SLC17A8: variants seen among roughly 807,000 people sequenced by gnomAD.
The protein encoded by SLC17A8 is vesicular glutamate transporter 3.
In SLC17A8, 31 loss-of-function variants were observed where a neutral mutation model predicts 58.0. The observed-to-expected ratio is 0.53, with a 90% CI of 0.40 to 0.72. SLC17A8 has a LOEUF of 0.72. SLC17A8 is among the 30% of genes least tolerant of loss of function. SLC17A8 has a pLI of 0.00. For synonymous variants in SLC17A8, 228 were observed against 249.0 expected (o/e 0.92, Z 0.79); for missense variants, 655 against 727.8 (o/e 0.90, Z 1.15).
chr12:100,396,230 C>CT (rs1952752797), intron 4 of SLC17A8, 100 bp from the exon 5 acceptor site: 6 of 952,840 alleles, frequency 6.3e-6, no homozygotes, highest in Non-Finnish European at 8.5e-6. Flanking sequence ...GTAAATTGGG[C>CT]TTTTATATTG....
At chr12:100,403,593 C>T (rs2182621) in intron 8 of SLC17A8, among the ~76,000 whole-genome samples, 1 of 152,160 alleles carries the variant, frequency 6.6e-6, no homozygotes, top group East Asian at 1.9e-4. Flanking sequence ...GAATCATCAA[C>T]CATCATCATA....
chr12:100,372,391 A>G (rs1417934780), intron 1 of SLC17A8, among the ~76,000 whole-genome samples: 1 of 152,134 alleles, frequency 6.6e-6, no homozygotes, highest in Admixed American at 6.5e-5. Context: ...TCTGTCACCC[A>G]GCCTGGAGTG....
intron 3 of SLC17A8, 85 bp from the exon 4 acceptor site, chr12:100,393,284 A>C (rs1306429503): frequency 2.3e-6 from 2 of 883,784 alleles, no homozygotes; most frequent in African/African-American, 3.3e-5. Context: ...TCTTTCATGA[A>C]CTGTTAGGTT....
intron 2 of SLC17A8, among the ~76,000 whole-genome samples, chr12:100,381,364 CAAGT>C (rs1952636260): frequency 1.3e-5 from 2 of 152,084 alleles, no homozygotes. Context: ...CTCATGGAGA[CAAGT>C]AAGTGATGAC....
chr12:100,379,801 C>A (rs922810122), intron 1 of SLC17A8, among the ~76,000 whole-genome samples: 6 of 151,608 alleles, frequency 4.0e-5, no homozygotes, highest in African/African-American at 1.5e-4. Flanking sequence ...TGGATGATCA[C>A]CTCCTTAGAG....
At chr12:100,362,211 C>A (rs1952489462) in intron 1 of SLC17A8, among the ~76,000 whole-genome samples, 1 of 151,968 alleles carries the variant, frequency 6.6e-6, no homozygotes, top group South Asian at 2.1e-4. Flanking sequence ...CAGGGTTCCT[C>A]ATGCCAGGAC....
intron 10 of SLC17A8, among the ~76,000 whole-genome samples, chr12:100,415,744 T>A (rs774833125): frequency 6.6e-6 from 1 of 152,340 alleles, no homozygotes; most frequent in Non-Finnish European, 1.5e-5. Context: ...TGCCACTTTT[T>A]AAACATGATT....
intron 10 of SLC17A8, 67 bp downstream of exon 10, chr12:100,412,947 CA>C (rs1275021923): frequency 2.4e-6 from 3 of 1,273,808 alleles, no homozygotes; most frequent in Non-Finnish European, 3.4e-6. Context: ...GAAGGAAGGA[CA>C]AGGATATTGT....
At position 100,404,356 on chromosome 12, in the gene SLC17A8, C is replaced by T. The variant is rs189967195; in HGVS notation, c.1186+186C>T. On this transcript the variant is annotated intron_variant, in intron 9 of 11. Transcript: ENST00000323346. Reference sequence around the variant, plus strand: ...CTGCCAAGAGGTCATCCAGCTGGGACCTTTCCATACATCCTTCCACATTTA... The same window carrying T: ...CTGCCAAGAGGTCATCCAGCTGGGATCTTTCCATACATCCTTCCACATTTA... 1.9e-5 allele frequency: 13 copies of T among 671,890 alleles called. No individual in the cohort carries two copies. The East Asian group carries it at 3.3e-4, about 17-fold the overall frequency. 41.6% of individuals were successfully genotyped at this position (671,890 alleles called of 1,614,324 possible). A position where few individuals can be genotyped will look rare whatever the true frequency, so the allele number is the denominator to read the frequency against.
At position 100,391,551 on chromosome 12, in the gene SLC17A8, C is replaced by T. The variant is rs1462690153; in HGVS notation, c.473+432C>T. On this transcript the variant is annotated intron_variant, in intron 3 of 11. Transcript: ENST00000323346. ...AACTCTTGACCTCAAGTGATCCACC[C>T]GCCTTAGCCTCCCAAAGTACTGGGA... Among the ~76,000 whole-genome samples the T allele has an allele frequency of 4.6e-5, 7 of 152,200 alleles. No homozygotes were observed. The East Asian group carries it at 1.3e-3, about 29-fold the overall frequency.
At chr12:100,378,120 G>T (rs1196621188) in intron 1 of SLC17A8, among the ~76,000 whole-genome samples, 1 of 152,050 alleles carries the variant, frequency 6.6e-6, no homozygotes, top group East Asian at 1.9e-4. Context: ...ATGTCCAGAG[G>T]GCATAGACAG....
At chr12:100,405,412 T>C (rs1483925450) in intron 9 of SLC17A8, among the ~76,000 whole-genome samples, 3 of 152,098 alleles carry the variant, frequency 2.0e-5, no homozygotes, top group Non-Finnish European at 2.9e-5. Context: ...TGGGATTAAA[T>C]TGAGGTTCTT....
At chr12:100,390,299 T>C (rs1952706246) in intron 2 of SLC17A8, among the ~76,000 whole-genome samples, 6 of 151,854 alleles carry the variant, frequency 4.0e-5, no homozygotes. Context: ...TTGTACATAA[T>C]CTCTTATTAC....
At position 100,380,882 on chromosome 12, in the gene SLC17A8, A is replaced by C; in HGVS notation, c.283A>C (p.Asn95His). 1 of 1,614,128 alleles carries C rather than the reference A, an allele frequency of 6.2e-7. No individual in the cohort carries two copies. The highest frequency in any genetic ancestry group is 8.5e-7 in the Non-Finnish European group (1 of 1,180,030). ...CTGCATTTCCTTTGGGATCCGGTGCAATCTTGGAGTTGCCATTGTGGAAAT... is the reference window on the plus strand; with the variant it reads ...CTGCATTTCCTTTGGGATCCGGTGCCATCTTGGAGTTGCCATTGTGGAAAT... ...GFCISFGIRC[N>H]LGVAIVEMVN... The change falls in exon 2 of 12, where the codon AAT (asparagine) becomes CAT (histidine). Residue 95 changes from asparagine to histidine, a missense_variant. Physicochemically the swap from Asn to His is moderately conservative, Grantham distance 68. Coordinates refer to ENST00000323346, the MANE Select transcript of SLC17A8 (RefSeq NM_139319.3).
chr12:100,389,733 A>G (rs1952700585), intron 2 of SLC17A8, among the ~76,000 whole-genome samples: 1 of 151,320 alleles, frequency 6.6e-6, no homozygotes, highest in African/African-American at 2.4e-5. Flanking sequence ...CCTGGGTTCC[A>G]GGGATCCTCC....
chr12:100,359,783 T>A (rs1014906067), intron 1 of SLC17A8, among the ~76,000 whole-genome samples: 1 of 152,210 alleles, frequency 6.6e-6, no homozygotes, highest in Non-Finnish European at 1.5e-5. Context: ...TAAATGACCC[T>A]GCCCAGAGCC....
chr12:100,403,468 A>G (rs1952805861), intron 8 of SLC17A8, among the ~76,000 whole-genome samples: 1 of 144,682 alleles, frequency 6.9e-6, no homozygotes, highest in Non-Finnish European at 1.5e-5. Flanking sequence ...GACTCTGTCT[A>G]AAAAAAAAAA....
At chr12:100,381,368 T>C (rs1952636276) in intron 2 of SLC17A8, among the ~76,000 whole-genome samples, 1 of 152,078 alleles carries the variant, frequency 6.6e-6, no homozygotes, top group Admixed American at 6.6e-5. Context: ...TGGAGACAAG[T>C]AAGTGATGAC....
chr12:100,403,467 TAA>T (rs973008024), intron 8 of SLC17A8, among the ~76,000 whole-genome samples: 2 of 130,832 alleles, frequency 1.5e-5, no homozygotes, highest in Non-Finnish European at 1.6e-5. Flanking sequence ...AGACTCTGTC[TAA>T]AAAAAAAAAA....
Sources: gnomAD v4.1 joint callset for allele counts (sites outside exome capture counted in the v4.1 genomes callset) on GRCh38, gnomAD v4.1.1 for gene constraint, MANE v1.5 for transcripts, NCBI Gene and HGNC (gene_info 2026-07-23, HGNC 2026-07-21) for gene names.